Variants in DLC1 observed in about 807,000 individuals in gnomAD.
The protein encoded by DLC1 is rho GTPase-activating protein 7.
In DLC1, 54 loss-of-function variants were observed where a neutral mutation model predicts 140.3. The observed-to-expected ratio is 0.38, with a 90% CI of 0.31 to 0.48. The LOEUF is 0.48. Among genes scored for constraint, DLC1 ranks in the 20% least tolerant of loss-of-function variants. The pLI, the probability that DLC1 is intolerant of heterozygous loss-of-function variation, is 0.96. For synonymous variants in DLC1, 986 were observed against 728.1 expected, an observed-to-expected ratio of 1.35 and a Z score of -5.70; for missense variants, 2,536 against 1,907.0, an observed-to-expected ratio of 1.33 and a Z score of -6.14.
chr8:13,452,149 C>G (rs971847482), intron 2 of DLC1, among the ~76,000 whole-genome samples: 1 of 150,544 alleles, frequency 6.6e-6, no homozygotes, highest in African/African-American at 2.4e-5. Context: ...GAAGAGTTAT[C>G]TAATGAAAAA....
At chr8:13,463,994 G>A (rs897791830) in intron 2 of DLC1, among the ~76,000 whole-genome samples, 8 of 152,172 alleles carry the variant, frequency 5.3e-5, no homozygotes, top group Non-Finnish European at 1.0e-4. Flanking sequence ...TGAAATTTGA[G>A]CACAGTGAAA....
At position 13,445,367 on chromosome 8, in the gene DLC1, C is replaced by G. The variant is rs372809731; in HGVS notation, c.1024-43748G>C. 2.0e-4 allele frequency among the ~76,000 whole-genome samples: 31 copies of G among 152,200 alleles called. No homozygotes were observed. In the East Asian group the frequency reaches 3.1e-3, roughly 15 times the overall value. On this transcript the variant is annotated intron_variant, in intron 2 of 17. Transcript: ENST00000276297. ...GGAAGGAAGCAGGAAACTCTAGGCA[C>G]TAACAAACAGAAGTCTGTACTTCAG...
rs17127408 is a variant in DLC1, at chr8:13,233,560, T to G, written c.1348+71709A>C. Reference sequence around the variant, plus strand: ...AATATTTTATTCCAATCATGGAGTATATTCTACAAAAGAGAATCTGCATAG... The same window carrying G: ...AATATTTTATTCCAATCATGGAGTAGATTCTACAAAAGAGAATCTGCATAG... On this transcript the variant is annotated intron_variant, in intron 5 of 17. Coordinates refer to ENST00000276297, the MANE Select transcript of DLC1 (RefSeq NM_182643.3). Among the ~76,000 whole-genome samples, 893 of 152,316 alleles carry G rather than the reference T, an allele frequency of 5.9e-3. 13 individuals are homozygous for G. The highest frequency in any genetic ancestry group is 0.021 in the African/African-American group (862 of 41,576).
chr8:13,243,987 C>G (rs1211668487), intron 5 of DLC1, among the ~76,000 whole-genome samples: 2 of 152,210 alleles, frequency 1.3e-5, no homozygotes, highest in African/African-American at 4.8e-5. Flanking sequence ...TAACCTGCTT[C>G]TCTTAGGAAA....
chr8:13,480,737 C>T (rs1004890502), intron 2 of DLC1, among the ~76,000 whole-genome samples: 9 of 152,122 alleles, frequency 5.9e-5, no homozygotes, highest in African/African-American at 1.4e-4. Context: ...AACCCAATTT[C>T]TACTAAAAGT....
At chr8:13,537,421 T>C (rs1803319480) in intron 1 of DLC1, among the ~76,000 whole-genome samples, 1 of 152,114 alleles carries the variant, frequency 6.6e-6, no homozygotes. Context: ...ACACTGAAAA[T>C]GTCTGAAATG....
intron 4 of DLC1, among the ~76,000 whole-genome samples, chr8:13,369,400 T>C (rs916911911): frequency 3.0e-4 from 45 of 150,534 alleles, no homozygotes; most frequent in African/African-American, 8.6e-4. Context: ...ACCAAAGTCA[T>C]GAGAGGCTGC....
chr8:13,396,062 C>CTTTTTT (rs33927089), intron 3 of DLC1, among the ~76,000 whole-genome samples: 1 of 135,498 alleles, frequency 7.4e-6, no homozygotes, highest in Non-Finnish European at 1.6e-5. Context: ...TCTTTTCTTT[C>CTTTTTT]TTTTTTTTTT....
intron 5 of DLC1, among the ~76,000 whole-genome samples, chr8:13,292,118 C>CT (rs1489882249): frequency 6.8e-6 from 1 of 147,516 alleles, no homozygotes; most frequent in Non-Finnish European, 1.5e-5. Context: ...GTTTTGTTTT[C>CT]TTTTTTTAAA....
At chr8:13,428,600 G>T (rs1838709284) in intron 2 of DLC1, among the ~76,000 whole-genome samples, 1 of 152,130 alleles carries the variant, frequency 6.6e-6, no homozygotes, top group Non-Finnish European at 1.5e-5. Context: ...TTCGGGAAAT[G>T]GTGACCCAGC....
intron 7 of DLC1, among the ~76,000 whole-genome samples, chr8:13,105,514 C>G (rs559779500): frequency 1.3e-5 from 2 of 151,928 alleles, no homozygotes; most frequent in Non-Finnish European, 2.9e-5. Context: ...AGGGAGGTCA[C>G]AGATCTTGTC....
intron 2 of DLC1, among the ~76,000 whole-genome samples, chr8:13,408,478 G>T (rs1038484290): frequency 1.3e-5 from 2 of 152,184 alleles, no homozygotes; most frequent in Non-Finnish European, 2.9e-5. Flanking sequence ...TGATTAGCCA[G>T]AACTTTTGTA....
Position 13,136,070 on chromosome 8 carries a change from C to T in DLC1, c.1349-20413G>A, listed in dbSNP as rs79506929. Among the ~76,000 whole-genome samples, 110 of 152,314 alleles carry T rather than the reference C, an allele frequency of 7.2e-4. 4 individuals carry two copies. The East Asian group carries it at 0.021, about 29-fold the overall frequency. On this transcript the variant is annotated intron_variant, in intron 5 of 17. Coordinates refer to ENST00000276297, the MANE Select transcript of DLC1 (RefSeq NM_182643.3). ...TTTGTATAGCTTTAATTCCACTCTT[C>T]TTAGAAATGGACATGCTACATTTTG...
intron 5 of DLC1, among the ~76,000 whole-genome samples, chr8:13,169,539 G>A (rs1163659665): frequency 6.6e-6 from 1 of 152,150 alleles, no homozygotes; most frequent in Non-Finnish European, 1.5e-5. Flanking sequence ...TATTGGTCAA[G>A]TGAGGGGGTA....
At position 13,190,867 on chromosome 8, in the gene DLC1, C is replaced by A. The variant is rs148354777; in HGVS notation, c.1349-75210G>T. 2.7e-3 allele frequency among the ~76,000 whole-genome samples: 404 copies of A among 152,182 alleles called. 4 individuals are homozygous for A. The highest frequency in any genetic ancestry group is 9.5e-3 in the African/African-American group (396 of 41,510). ...TGTGGGGGGAAGTTGAAGGAGTATCCTTGGGCCACTAACTCCGTTTCCACC... is the reference window on the plus strand; with the variant it reads ...TGTGGGGGGAAGTTGAAGGAGTATCATTGGGCCACTAACTCCGTTTCCACC... On this transcript the variant is annotated intron_variant, in intron 5 of 17. Transcript: ENST00000276297.
intron 4 of DLC1, among the ~76,000 whole-genome samples, chr8:13,374,443 G>C (rs1036923174): frequency 6.6e-6 from 1 of 152,168 alleles, no homozygotes; most frequent in Non-Finnish European, 1.5e-5. Flanking sequence ...TACATGGCAA[G>C]AGAGTGTATA....
intron 2 of DLC1, among the ~76,000 whole-genome samples, chr8:13,402,727 C>T (rs143877531): frequency 5.1e-4 from 77 of 152,200 alleles, no homozygotes; most frequent in African/African-American, 1.7e-3. Context: ...GGTGATGGTT[C>T]GTTGTGAGAT....
chr8:13,496,531 C>T (rs1409969739), intron 2 of DLC1, among the ~76,000 whole-genome samples: 1 of 151,704 alleles, frequency 6.6e-6, no homozygotes, highest in Non-Finnish European at 1.5e-5. Flanking sequence ...ACATATTATT[C>T]AGCCATACAG....
chr8:13,193,791 C>T (rs567589977), intron 5 of DLC1, among the ~76,000 whole-genome samples: 4 of 152,232 alleles, frequency 2.6e-5, no homozygotes, highest in African/African-American at 9.6e-5. Flanking sequence ...TTGTAATTAC[C>T]ATAGCCCTCT....
Sources: allele counts gnomAD v4.1 joint callset (sites outside exome capture counted in the v4.1 genomes callset), GRCh38; gene constraint gnomAD v4.1.1; transcripts MANE v1.5; gene names NCBI Gene and HGNC (gene_info 2026-07-23, HGNC 2026-07-21).